MAML1: variants seen among roughly 807,000 people sequenced by gnomAD.
MAML1 encodes mastermind like transcriptional coactivator 1.
Under a neutral mutation model 77.1 loss-of-function variants are expected in MAML1, and 14 were observed. The ratio of observed to expected loss-of-function variants is 0.18; its 90% CI spans 0.12 to 0.28. MAML1 has a LOEUF of 0.28. Among genes scored for constraint, MAML1 ranks in the 10% least tolerant of loss-of-function variants. The probability of loss-of-function intolerance (pLI) is 1.00; values close to 1 mark genes in which losing one functional copy is unlikely to be tolerated. For synonymous variants in MAML1, 516 were observed against 551.9 expected, an observed-to-expected ratio of 0.93 and a Z score of 0.91; for missense variants, 1,217 against 1,327.8, an observed-to-expected ratio of 0.92 and a Z score of 1.30.
chr5:179,738,594 C>T (rs186993652), intron 1 of MAML1, among the ~76,000 whole-genome samples: 22 of 152,180 alleles, frequency 1.4e-4, no homozygotes, highest in Non-Finnish European at 2.8e-4. Context: ...CAAATATTCT[C>T]CACACTGACA....
chr5:179,754,797 A>C (rs145758860), intron 1 of MAML1, among the ~76,000 whole-genome samples: 1 of 152,104 alleles, frequency 6.6e-6, no homozygotes, highest in African/African-American at 2.4e-5. Context: ...TGCTGATGCT[A>C]CTGGCCTGGG....
intron 1 of MAML1, among the ~76,000 whole-genome samples, chr5:179,748,156 C>T (rs1257114854): frequency 6.6e-6 from 1 of 152,286 alleles, no homozygotes; most frequent in Admixed American, 6.5e-5. Flanking sequence ...TATCTTGGCT[C>T]ACTGCAGCCT....
chr5:179,757,556 A>T (rs1779645264), intron 1 of MAML1, among the ~76,000 whole-genome samples: 1 of 151,912 alleles, frequency 6.6e-6, no homozygotes, highest in Non-Finnish European at 1.5e-5. Flanking sequence ...TGACAGAGTG[A>T]GACTCCTCTC....
At position 179,733,060 on chromosome 5, in the gene MAML1, C is replaced by A; in HGVS notation, c.-53C>A. 2.6e-6 allele frequency: 3 copies of A among 1,149,566 alleles called. No individual in the cohort carries two copies. The highest frequency in any genetic ancestry group is 3.3e-6 in the Non-Finnish European group (3 of 909,780). The allele number at this position is 1,149,566 out of a possible 1,614,324, so 71.2% of individuals were successfully genotyped here. On this transcript the variant is annotated 5_prime_UTR_variant, in exon 1 of 5. Transcript: ENST00000292599. ...CCGCGGGGAGCGAAGCCCGCAGTGC[C>A]AGCCGGCCCCGAGAGGCCCGGCCCC...
In MAML1 at chr5:179,775,431, C is replaced by T; in HGVS notation, c.*554C>T. 1 of 985,398 alleles carries T rather than the reference C, an allele frequency of 1.0e-6. No individual in the cohort carries two copies. The highest frequency in any genetic ancestry group is 1.2e-6 in the Non-Finnish European group (1 of 829,928). 61.0% of individuals were successfully genotyped at this position (985,398 alleles called of 1,614,324 possible). Reference sequence around the variant, plus strand: ...CCTAGGGTTTCCTTTTGATTAAGAGCCTTTTTTGTTTCTGCTCTTTGTCAG... The same window carrying T: ...CCTAGGGTTTCCTTTTGATTAAGAGTCTTTTTTGTTTCTGCTCTTTGTCAG... On this transcript the variant is annotated 3_prime_UTR_variant, in exon 5 of 5. Coordinates refer to ENST00000292599, the MANE Select transcript of MAML1 (RefSeq NM_014757.5).
At chr5:179,761,086 T>A (rs1052052936) in intron 1 of MAML1, among the ~76,000 whole-genome samples, 22 of 50,490 alleles carry the variant, frequency 4.4e-4, no homozygotes, top group Admixed American at 1.2e-3. Context: ...AGAGCGAGTC[T>A]CCGTCTCAAA....
At position 179,774,371 on chromosome 5, in the gene MAML1, G is replaced by T. The variant is rs755017360; in HGVS notation, c.2545G>T (p.Gly849Cys). Reference protein sequence around the residue: ...WQHQGMPNLSGQTPGNSNVSP... With the variant: ...WQHQGMPNLSCQTPGNSNVSP... ...GCATCAGGGAATGCCGAACCTCAGT[G>T]GCCAGACCCCAGGGAACAGCAACGT... Residue 849 changes from glycine (G) to cysteine (C), a missense_variant, in exon 5 of 5, where the codon GGC (glycine) becomes TGC (cysteine). Coordinates refer to ENST00000292599, the MANE Select transcript of MAML1 (RefSeq NM_014757.5). 1.2e-6 allele frequency: 2 copies of T among 1,613,244 alleles called. No individual in the cohort carries two copies. Among genetic ancestry groups the T allele is most frequent in the South Asian group, 2.2e-5 (2 of 91,086 alleles).
At chr5:179,744,455 G>A (rs899799783) in intron 1 of MAML1, among the ~76,000 whole-genome samples, 2 of 151,956 alleles carry the variant, frequency 1.3e-5, no homozygotes, top group African/African-American at 4.8e-5. Context: ...TAAAGTGCTG[G>A]GATTACAAGC....
chr5:179,755,292 A>G (rs1779588823), intron 1 of MAML1, among the ~76,000 whole-genome samples: 1 of 152,202 alleles, frequency 6.6e-6, no homozygotes, highest in Admixed American at 6.5e-5. Flanking sequence ...AAAAAGACAA[A>G]GAACAGAGTG....
chr5:179,753,651 A>T (rs369121450), intron 1 of MAML1, among the ~76,000 whole-genome samples: 1,198 of 66,262 alleles, frequency 0.018, 11 homozygotes, highest in Non-Finnish European at 0.025. Context: ...TATTATTATT[A>T]TTATTTTTTT....
intron 1 of MAML1, among the ~76,000 whole-genome samples, chr5:179,744,330 C>T (rs1342791636): frequency 6.6e-6 from 1 of 151,882 alleles, no homozygotes; most frequent in Non-Finnish European, 1.5e-5. Flanking sequence ...GGATTACAGG[C>T]ACCTGCCACC....
intron 1 of MAML1, among the ~76,000 whole-genome samples, chr5:179,746,934 C>T (rs901858966): frequency 2.0e-5 from 3 of 152,098 alleles, no homozygotes; most frequent in African/African-American, 7.2e-5. Flanking sequence ...TTAAGAGGTA[C>T]CTTGTTTCTT....
chr5:179,770,502 A>G (rs1001132322), intron 3 of MAML1, among the ~76,000 whole-genome samples: 2 of 152,204 alleles, frequency 1.3e-5, no homozygotes, highest in Non-Finnish European at 2.9e-5. Context: ...GTCATTTTCA[A>G]TCATGTGCTA....
At chr5:179,746,174 C>G (rs568912917) in intron 1 of MAML1, among the ~76,000 whole-genome samples, 2 of 146,822 alleles carry the variant, frequency 1.4e-5, no homozygotes, top group Non-Finnish European at 3.0e-5. Context: ...GGCGAAACCC[C>G]GTCTCTACTA....
Position 179,774,285 on chromosome 5 carries a change from T to C in MAML1, c.2459T>C (p.Leu820Ser), listed in dbSNP as rs768813989. The C allele has an allele frequency of 1.2e-6, 2 of 1,613,408 alleles. No individual in the cohort carries two copies. Among genetic ancestry groups the C allele is most frequent in the South Asian group, 2.2e-5 (2 of 91,066 alleles). Reference sequence around the variant, plus strand: ...AATAAGGGGACCCTGAACCCTGGTTTAACAAAGCCACCGGTCCCAAGGGTG... The same window carrying C: ...AATAAGGGGACCCTGAACCCTGGTTCAACAAAGCCACCGGTCCCAAGGGTG... ...QHNKGTLNPGLTKPPVPRVSP... is the reference protein window; with the variant it reads ...QHNKGTLNPGSTKPPVPRVSP... The change falls in exon 5 of 5, where the codon TTA becomes TCA. Residue 820 changes from leucine (L) to serine (S), a missense_variant. Leu to Ser is a moderately radical substitution (Grantham distance 145). Around this residue, in one of 3 missense-constraint regions of MAML1, gnomAD observed 884 missense variants for 949.3 expected, o/e 0.93. Transcript: ENST00000292599.
At chr5:179,743,046 CTTTTTTTTT>C (rs71001043) in intron 1 of MAML1, among the ~76,000 whole-genome samples, 17 of 69,838 alleles carry the variant, frequency 2.4e-4, no homozygotes, top group Admixed American at 7.0e-4. Context: ...CCCCTTCACA[CTTTTTTTTT>C]TTTTTTTTTT....
At chr5:179,768,251 G>A (rs1002736273) in intron 2 of MAML1, among the ~76,000 whole-genome samples, 2 of 152,208 alleles carry the variant, frequency 1.3e-5, no homozygotes, top group Admixed American at 1.3e-4. Flanking sequence ...GAGGTCGGGA[G>A]TTCGAGACCA....
intron 1 of MAML1, among the ~76,000 whole-genome samples, chr5:179,757,437 G>A (rs575251480): frequency 6.6e-6 from 1 of 152,088 alleles, no homozygotes; most frequent in East Asian, 1.9e-4. Flanking sequence ...GCATGGTGGC[G>A]GGTGCCTGTC....
rs1379280722 is a variant in MAML1, at chr5:179,771,624, C to T, written c.2068+381C>T. On this transcript the variant is annotated intron_variant, in intron 4 of 4. Transcript: ENST00000292599. The surrounding 1 kb of genome is among the most constrained non-coding windows in gnomAD (Gnocchi z 4.7). ...TCCAGATAAGGACTTAATGCACTTGCGTGGCCTTTGGCTTCTTTCTCTCCT... is the reference window on the plus strand; with the variant it reads ...TCCAGATAAGGACTTAATGCACTTGTGTGGCCTTTGGCTTCTTTCTCTCCT... Among the ~76,000 whole-genome samples, 4 of 152,226 alleles carry T rather than the reference C, an allele frequency of 2.6e-5. No individual in the cohort carries two copies. The highest frequency in any genetic ancestry group is 5.9e-5 in the Non-Finnish European group (4 of 68,040).
Sources: gnomAD v4.1 joint callset for allele counts (sites outside exome capture counted in the v4.1 genomes callset) on GRCh38, gnomAD v4.1.1 for gene constraint, gnomAD v4.1.1 regional missense constraint, Gnocchi (gnomAD v3.1) non-coding constraint, MANE v1.5 for transcripts, NCBI Gene and HGNC (gene_info 2026-07-23, HGNC 2026-07-21) for gene names.